Variants in CLEC4A observed in about 807,000 individuals in gnomAD.
The protein encoded by CLEC4A is C-type (calcium dependent, carbohydrate-recognition domain) lectin, superfamily member 6.
Under a neutral mutation model 32.7 loss-of-function variants are expected in CLEC4A, and 27 were observed. The ratio of observed to expected loss-of-function variants is 0.83; its 90% CI spans 0.61 to 1.14. The LOEUF (loss-of-function observed/expected upper bound fraction) is 1.14, where lower values mean the gene tolerates loss of function less well. Among genes scored for constraint, CLEC4A ranks in the 50% most tolerant of loss-of-function variants. CLEC4A has a pLI of 0.00. For missense variants in CLEC4A, 253 were observed against 274.6 expected (o/e 0.92, Z 0.55); for synonymous variants, 89 against 93.7 (o/e 0.95, Z 0.29).
chr12:8,131,910 A>C (rs1161841811), intron 3 of CLEC4A, among the ~76,000 whole-genome samples: 1 of 151,768 alleles, frequency 6.6e-6, no homozygotes, highest in African/African-American at 2.4e-5. Flanking sequence ...AATGTGTGCT[A>C]TGGTGGTTTG....
the CLEC4A span, among the ~76,000 whole-genome samples, chr12:8,112,115 T>C: frequency 7.9e-5 from 12 of 152,188 alleles, no homozygotes; most frequent in Non-Finnish European, 1.0e-4. Flanking sequence ...ATTACAGGCA[T>C]GCACCACCAT....
the CLEC4A span, among the ~76,000 whole-genome samples, chr12:8,110,402 A>G: frequency 6.7e-4 from 102 of 152,342 alleles, no homozygotes; most frequent in African/African-American, 2.3e-3. Flanking sequence ...TTCATTTTAT[A>G]AAAAGGAAAC....
chr12:8,118,326 A>G, the CLEC4A span, among the ~76,000 whole-genome samples: 129,447 of 152,020 alleles, frequency 0.85, 58,248 homozygotes, highest in Non-Finnish European at 0.99. Flanking sequence ...GTCCATAAAA[A>G]AGAATGAATT....
At chr12:8,119,888 T>G (rs1301246191), upstream of CLEC4A, among the ~76,000 whole-genome samples, 1 of 152,042 alleles carries the variant, frequency 6.6e-6, no homozygotes, top group Non-Finnish European at 1.5e-5. Context: ...AAATTTGGGG[T>G]TTCCCATGAT....
At chr12:8,117,166 C>T in the CLEC4A span, among the ~76,000 whole-genome samples, 1 of 151,756 alleles carries the variant, frequency 6.6e-6, no homozygotes, top group African/African-American at 2.4e-5. Flanking sequence ...TTATCCAGTG[C>T]CATAAGAAGC....
At chr12:8,129,206 T>C in intron 2 of CLEC4A, 58 bp from the exon 3 acceptor site, 1 of 1,118,936 alleles carries the variant, frequency 8.9e-7, no homozygotes, top group Non-Finnish European at 1.3e-6. Context: ...AAAGTAACGA[T>C]AAAGAGCAAA....
In CLEC4A at chr12:8,123,954, TCTG is replaced by T; in HGVS notation, c.78_80del (p.Ala28del). Reference sequence around the variant, plus strand: ...GTCCTCAGGCATCAACACAGCCTCTTCTGCAGGTAAAGATCATTTTCTAGGGGT... The same window carrying T: ...GTCCTCAGGCATCAACACAGCCTCTTCAGGTAAAGATCATTTTCTAGGGGT... On this transcript the variant is annotated inframe_deletion, in exon 1 of 6. Coordinates refer to ENST00000229332, the MANE Select transcript of CLEC4A (RefSeq NM_016184.4). 6.2e-7 allele frequency: 1 copy of T among 1,602,672 alleles called. No individual in the cohort carries two copies. The highest frequency in any genetic ancestry group is 8.6e-7 in the Non-Finnish European group (1 of 1,169,504).
Position 8,138,265 on chromosome 12 carries a change from A to G in CLEC4A, c.692A>G (p.Glu231Gly). ...CTTGGTCCTCAAAGGTCAGTTTGTG[A>G]GATGATGAAGATCCACTTATGAACT... is the stretch of plus-strand genomic sequence containing the variant. Reference protein sequence around the residue: ...NCLGPQRSVCEMMKIHL With the variant: ...NCLGPQRSVCGMMKIHL Residue 231 changes from glutamate (E) to glycine (G), a missense_variant, in exon 6 of 6, where the codon GAG (glutamate) becomes GGG (glycine). Glu to Gly is a moderately conservative substitution (Grantham distance 98). Transcript: ENST00000229332. The G allele has an allele frequency of 6.2e-7, 1 of 1,614,148 alleles. No homozygotes were observed. The highest frequency in any genetic ancestry group is 8.5e-7 in the Non-Finnish European group (1 of 1,180,022).
chr12:8,133,063 C>T (rs192572264), intron 3 of CLEC4A, among the ~76,000 whole-genome samples: 16 of 152,054 alleles, frequency 1.1e-4, no homozygotes, highest in South Asian at 4.1e-4. Context: ...TACAGGTGTG[C>T]GCCACCATGC....
Position 8,129,261 on chromosome 12 carries a change from C to T in CLEC4A, c.200-3C>T, listed in dbSNP as rs776785854. The T allele has an allele frequency of 1.3e-5, 20 of 1,560,190 alleles. No individual in the cohort carries two copies. The highest frequency in any genetic ancestry group is 7.1e-5 in the Admixed American group (4 of 56,686). ...AATAAATGGTCTTTATTCTCTTTTC[C>T]AGTTTTCTTTCAAAAATATTCTCAG... On this transcript the variant is annotated splice_region_variant and splice_polypyrimidine_tract_variant and intron_variant, in intron 2 of 5. Transcript: ENST00000229332.
chr12:8,122,538 G>C (rs1188234472), upstream of CLEC4A, among the ~76,000 whole-genome samples: 1 of 151,998 alleles, frequency 6.6e-6, no homozygotes, highest in East Asian at 1.9e-4. Flanking sequence ...CCGCGCAGGG[G>C]ATGGTGGCTT....
intron 3 of CLEC4A, chr12:8,134,994 T>TTTTTTTTTTTTTTTTTTTTTTTTG (rs1948080858): frequency 4.1e-6 from 1 of 243,218 alleles, no homozygotes; most frequent in East Asian, 1.2e-4. Context: ...TTGTTTTTTT[T>TTTTTTTTTTTTTTTTTTTTTTTTG]TAATCATGGC....
chr12:8,103,085 T>C, the CLEC4A span, among the ~76,000 whole-genome samples: 1 of 152,190 alleles, frequency 6.6e-6, no homozygotes, highest in Non-Finnish European at 1.5e-5. Context: ...TGTCTTGTTA[T>C]AATGTGAGCC....
chr12:8,112,265 G>A, the CLEC4A span, among the ~76,000 whole-genome samples: 1 of 152,116 alleles, frequency 6.6e-6, no homozygotes, highest in Admixed American at 6.5e-5. Context: ...ACCGCACCTG[G>A]CCTACGTGGG....
chr12:8,111,954 T>TGC, the CLEC4A span, among the ~76,000 whole-genome samples: 1 of 150,030 alleles, frequency 6.7e-6, no homozygotes, highest in East Asian at 1.9e-4. Context: ...TGTGTGTGTG[T>TGC]GTGTGTGTGT....
At chr12:8,107,682 A>G in the CLEC4A span, among the ~76,000 whole-genome samples, 1 of 150,740 alleles carries the variant, frequency 6.6e-6, no homozygotes, top group African/African-American at 2.4e-5. Flanking sequence ...AGAGGTGTTC[A>G]TAATAGTCTC....
At chr12:8,133,656 A>G (rs894102958) in intron 3 of CLEC4A, 21 of 1,424,054 alleles carry the variant, frequency 1.5e-5, no homozygotes, top group African/African-American at 1.3e-4. Flanking sequence ...TGTGTTCCCA[A>G]TTCCTTCCTT....
intron 2 of CLEC4A, among the ~76,000 whole-genome samples, chr12:8,128,439 C>T (rs1223297150): frequency 1.4e-5 from 2 of 144,190 alleles, no homozygotes; most frequent in Admixed American, 7.2e-5. Flanking sequence ...GAGATGGAGT[C>T]TTGCTCCGTC....
chr12:8,109,278 A>C, the CLEC4A span, among the ~76,000 whole-genome samples: 1 of 152,198 alleles, frequency 6.6e-6, no homozygotes, highest in East Asian at 1.9e-4. Flanking sequence ...TTCATACTTT[A>C]ATACTTTAAT....
Sources: allele counts gnomAD v4.1 joint callset (sites outside exome capture counted in the v4.1 genomes callset), GRCh38; gene constraint gnomAD v4.1.1; transcripts MANE v1.5; gene names NCBI Gene and HGNC (gene_info 2026-07-23, HGNC 2026-07-21).